USP48: variants seen among roughly 807,000 people sequenced by gnomAD.
USP48 encodes ubiquitin carboxyl-terminal hydrolase 48.
A neutral mutation model predicts 150.7 loss-of-function variants in USP48; 43 were observed. That is an observed-to-expected ratio of 0.29 (90% CI 0.22 to 0.37). The LOEUF is 0.37. Ranked by LOEUF, USP48 falls within the 10% of genes least tolerant of loss-of-function variation. The pLI is 1.00. For missense variants in USP48, 813 were observed against 1,249.6 expected, an observed-to-expected ratio of 0.65 and a Z score of 5.27; for synonymous variants, 396 against 425.9, an observed-to-expected ratio of 0.93 and a Z score of 0.86.
At chr1:21,724,386 G>A (rs992715759) in intron 11 of USP48, 1 of 571,696 alleles carries the variant, frequency 1.7e-6, no homozygotes, top group African/African-American at 1.9e-5. Flanking sequence ...GAGTCTTGCC[G>A]AATAGCACAG....
chr1:21,684,860 G>A (rs1482224468), intron 25 of USP48, among the ~76,000 whole-genome samples: 2 of 152,080 alleles, frequency 1.3e-5, no homozygotes, highest in East Asian at 1.9e-4. Context: ...CTGTAAATAC[G>A]TGAATTTATT....
rs531138760 is a variant in USP48 at position 21,734,685 on chromosome 1, G to A, written c.1171+1761C>T. On this transcript the variant is annotated intron_variant, in intron 9 of 26. Coordinates refer to ENST00000308271, the MANE Select transcript of USP48 (RefSeq NM_032236.8). ...CCAAAGCTGTTTAGCACTTTCTTGT[G>A]AAATGATATGACCACACTTGTGAGT... is the stretch of plus-strand genomic sequence containing the variant. Among the ~76,000 whole-genome samples the A allele has an allele frequency of 5.3e-5, 8 of 152,306 alleles. No homozygotes were observed. The East Asian group carries it at 1.5e-3, about 29-fold the overall frequency.
chr1:21,715,955 A>G (rs1030226505), intron 14 of USP48, among the ~76,000 whole-genome samples: 1 of 152,122 alleles, frequency 6.6e-6, no homozygotes, highest in Non-Finnish European at 1.5e-5. Flanking sequence ...AAAACCTACC[A>G]CCGAACTCAA....
chr1:21,694,376 G>C (rs1169678311), intron 23 of USP48, among the ~76,000 whole-genome samples: 1 of 151,736 alleles, frequency 6.6e-6, no homozygotes, highest in Non-Finnish European at 1.5e-5. Flanking sequence ...TTCAAGACCA[G>C]CCTGGCCAAG....
chr1:21,772,494 G>A (rs2097884007), intron 1 of USP48, among the ~76,000 whole-genome samples: 1 of 151,904 alleles, frequency 6.6e-6, no homozygotes, highest in African/African-American at 2.4e-5. Flanking sequence ...GTGGTGGCGG[G>A]CGCCTGTAGT....
At chr1:21,732,073 T>A (rs988097317) in intron 9 of USP48, among the ~76,000 whole-genome samples, 3 of 152,032 alleles carry the variant, frequency 2.0e-5, no homozygotes, top group Admixed American at 2.0e-4. Flanking sequence ...AGATCAGGAA[T>A]TCGAAACCAG....
At chr1:21,779,681 T>C (rs2097909781) in intron 1 of USP48, among the ~76,000 whole-genome samples, 1 of 152,106 alleles carries the variant, frequency 6.6e-6, no homozygotes, top group Non-Finnish European at 1.5e-5. Context: ...CATAGCAACA[T>C]TATAATAGCC....
chr1:21,697,507 CA>C (rs1376070583), intron 22 of USP48, among the ~76,000 whole-genome samples: 5 of 151,760 alleles, frequency 3.3e-5, no homozygotes, highest in South Asian at 2.1e-4. Context: ...ACTAAAAATA[CA>C]AAAAATTAGC....
rs182676808 is a variant in USP48 at position 21,695,983 on chromosome 1, T to C, written c.2728-762A>G. Among the ~76,000 whole-genome samples, 147 of 152,324 alleles carry C rather than the reference T, an allele frequency of 9.7e-4. 1 individual carries two copies. The highest frequency in any genetic ancestry group is 2.0e-3 in the Non-Finnish European group (133 of 68,030). On this transcript the variant is annotated intron_variant, in intron 22 of 26. Coordinates refer to ENST00000308271, the MANE Select transcript of USP48 (RefSeq NM_032236.8). ...ATAAAATATTCTTGCAAAAATGTTA[T>C]ACTGGAATGTAATCAAACATTTACG... is the stretch of plus-strand genomic sequence containing the variant.
intron 2 of USP48, among the ~76,000 whole-genome samples, chr1:21,757,271 G>C (rs551060996): frequency 1.3e-5 from 2 of 152,126 alleles, no homozygotes; most frequent in South Asian, 4.1e-4. Flanking sequence ...AAAATTTAAT[G>C]TATATTTTTA....
chr1:21,708,666 A>T (rs1473924600), intron 15 of USP48, among the ~76,000 whole-genome samples: 1 of 151,634 alleles, frequency 6.6e-6, no homozygotes, highest in East Asian at 1.9e-4. Flanking sequence ...AGTGGATCAC[A>T]AGGTCAGGAG....
Position 21,745,938 on chromosome 1 carries a change from A to C in USP48, c.991+1129T>G, listed in dbSNP as rs183272500. ...ACATTGAAGTCCAAAACTGAAGTTG[A>C]AAACAGTTTCCTTGTTCCACAGAGG... On this transcript the variant is annotated intron_variant, in intron 8 of 26. Coordinates refer to ENST00000308271, the MANE Select transcript of USP48 (RefSeq NM_032236.8). Among the ~76,000 whole-genome samples the C allele has an allele frequency of 1.4e-4, 21 of 152,354 alleles. 1 individual carries two copies. The highest frequency in any genetic ancestry group is 1.3e-3 in the Admixed American group (20 of 15,300).
At chr1:21,779,651 A>G (rs543472408) in intron 1 of USP48, among the ~76,000 whole-genome samples, 1 of 152,304 alleles carries the variant, frequency 6.6e-6, no homozygotes, top group South Asian at 2.1e-4. Context: ...TGCCCACACA[A>G]AAACTACTAC....
chr1:21,701,437 G>A (rs1008612214), intron 22 of USP48, 61 bp downstream of exon 22: 10 of 1,417,096 alleles, frequency 7.1e-6, no homozygotes, highest in African/African-American at 2.8e-5. Context: ...CAGGGGCTTC[G>A]AGTGGCTGCT....
intron 23 of USP48, among the ~76,000 whole-genome samples, chr1:21,694,608 C>CAAAAAAAAAACAAAAAAA (rs1491189889): frequency 6.9e-5 from 2 of 28,982 alleles, no homozygotes; most frequent in Admixed American, 8.3e-4. Context: ...AAAAAAAAAA[C>CAAAAAAAAAACAAAAAAA]CCCCTCTATC....
At chr1:21,766,077 G>C (rs2097861584) in intron 1 of USP48, among the ~76,000 whole-genome samples, 1 of 152,020 alleles carries the variant, frequency 6.6e-6, no homozygotes, top group African/African-American at 2.4e-5. Flanking sequence ...GTAACAAAAA[G>C]ATTTTCCAGG....
At chr1:21,726,269 G>T (rs867051045) in intron 11 of USP48, among the ~76,000 whole-genome samples, 1 of 152,144 alleles carries the variant, frequency 6.6e-6, no homozygotes, top group Non-Finnish European at 1.5e-5. Context: ...GGGTGACTGT[G>T]GCCCTGACTG....
At chr1:21,728,820 G>T in intron 10 of USP48, 101 bp from the exon 11 acceptor site, 1 of 1,394,316 alleles carries the variant, frequency 7.2e-7, no homozygotes. Context: ...TAAAACATTG[G>T]CAGAAATTCC....
At position 21,736,599 on chromosome 1, in the gene USP48, C is replaced by T. The variant is rs759711328; in HGVS notation, c.1018G>A (p.Ala340Thr). Residue 340 changes from alanine (A) to threonine (T), a missense_variant, in exon 9 of 27, where the codon GCA becomes ACA. Coordinates refer to ENST00000308271, the MANE Select transcript of USP48 (RefSeq NM_032236.8). ...CTCACTCCTCTGTGTATGAGGACTG[C>T]GCTGAGTTCATACACGTAGGACCCA... is the stretch of plus-strand genomic sequence containing the variant. ...KGGSYVYELS[A>T]VLIHRGVSAY... The T allele has an allele frequency of 4.6e-6, 7 of 1,520,792 alleles. No homozygotes were observed. Among genetic ancestry groups the T allele is most frequent in the Non-Finnish European group, 4.4e-6 (5 of 1,141,854 alleles). The allele number at this position is 1,520,792 out of a possible 1,614,324, so 94.2% of individuals were successfully genotyped here. A position where few individuals can be genotyped will look rare whatever the true frequency, so the allele number is the denominator to read the frequency against.
Sources: allele counts gnomAD v4.1 joint callset (sites outside exome capture counted in the v4.1 genomes callset), GRCh38; gene constraint gnomAD v4.1.1; transcripts MANE v1.5; gene names NCBI Gene and HGNC (gene_info 2026-07-23, HGNC 2026-07-21).